FSTL1: variants seen among roughly 807,000 people sequenced by gnomAD.
The protein encoded by FSTL1 is follistatin-related protein 1.
A neutral mutation model predicts 45.9 loss-of-function variants in FSTL1; 24 were observed. The ratio of observed to expected loss-of-function variants is 0.52; its 90% confidence interval spans 0.38 to 0.74. The LOEUF (loss-of-function observed/expected upper bound fraction) is 0.74. Among genes scored for constraint, FSTL1 ranks in the 30% least tolerant of loss-of-function variants. The pLI is 0.00. For missense variants in FSTL1, 340 were observed against 381.8 expected, an observed-to-expected ratio of 0.89 and a Z score of 0.91; for synonymous variants, 120 against 137.6, an observed-to-expected ratio of 0.87 and a Z score of 0.89.
At chr3:120,439,220 G>A (rs1937603067) in intron 2 of FSTL1, among the ~76,000 whole-genome samples, 1 of 152,166 alleles carries the variant, frequency 6.6e-6, no homozygotes, top group Non-Finnish European at 1.5e-5. Context: ...CAGGCTGGGG[G>A]TTTACTCTAA....
At chr3:120,402,204 T>C (rs1473829212) in intron 9 of FSTL1, among the ~76,000 whole-genome samples, 1 of 152,172 alleles carries the variant, frequency 6.6e-6, no homozygotes, top group Non-Finnish European at 1.5e-5. Context: ...AGATTACCCA[T>C]CTCTGTTAGT....
intron 2 of FSTL1, among the ~76,000 whole-genome samples, chr3:120,446,697 G>C (rs1009981571): frequency 8.5e-5 from 13 of 152,188 alleles, no homozygotes; most frequent in Admixed American, 5.2e-4. Context: ...TCTACCATCA[G>C]AACAATTCTA....
intron 6 of FSTL1, among the ~76,000 whole-genome samples, chr3:120,407,616 A>T (rs1015280266): frequency 2.0e-5 from 3 of 152,350 alleles, no homozygotes; most frequent in Admixed American, 6.5e-5. Flanking sequence ...GGTTCATAAC[A>T]GTCTCTTTGA....
chr3:120,450,952 T>C lies in FSTL1; in HGVS notation c.-56A>G, dbSNP rs1937887094. On this transcript the variant is annotated 5_prime_UTR_variant, in exon 1 of 11. Transcript: ENST00000295633. ...GGGGCAGGACGGCGGCAGCGAGCTG[T>C]AAGCGGAGGTGGGAGCTCCGCCGAT... The C allele has an allele frequency of 8.5e-6, 4 of 470,296 alleles. No individual in the cohort carries two copies. Among genetic ancestry groups the C allele is most frequent in the Non-Finnish European group, 1.5e-5 (4 of 266,808 alleles). 29.1% of individuals were successfully genotyped at this position (470,296 alleles called of 1,614,324 possible).
At chr3:120,446,847 T>G (rs928425339) in intron 2 of FSTL1, among the ~76,000 whole-genome samples, 2 of 152,164 alleles carry the variant, frequency 1.3e-5, no homozygotes, top group Non-Finnish European at 2.9e-5. Flanking sequence ...GTGAAGTACA[T>G]CTATTTGTAG....
At chr3:120,441,810 A>G (rs1284001078) in intron 2 of FSTL1, among the ~76,000 whole-genome samples, 3 of 152,250 alleles carry the variant, frequency 2.0e-5, no homozygotes, top group Non-Finnish European at 4.4e-5. Flanking sequence ...AATTCTCACA[A>G]CCAACCTATG....
chr3:120,411,957 C>T lies in FSTL1; in HGVS notation c.195G>A (p.Val65=), dbSNP rs1385917468. 6.2e-7 allele frequency: 1 copy of T among 1,612,906 alleles called. No homozygotes were observed. The highest frequency in any genetic ancestry group is 1.1e-5 in the South Asian group (1 of 91,012). The part of the protein sequence containing the change: ...IEQCKPHKRP[V]CGSNGKTYLN... Reference sequence around the variant, plus strand: ...GGTAGGTCTTGCCATTACTGCCACACACAGGCCTCTTGTGAGGTTTGCATT... The same window carrying T: ...GGTAGGTCTTGCCATTACTGCCACATACAGGCCTCTTGTGAGGTTTGCATT... Residue 65 remains valine, a synonymous_variant, in exon 4 of 11, where the codon GTG becomes GTA. Transcript: ENST00000295633.
intron 6 of FSTL1, among the ~76,000 whole-genome samples, chr3:120,407,089 T>C (rs926559748): frequency 2.0e-5 from 3 of 152,240 alleles, no homozygotes; most frequent in Non-Finnish European, 4.4e-5. Flanking sequence ...ACTTATGGCA[T>C]CATGTTGGTG....
intron 2 of FSTL1, among the ~76,000 whole-genome samples, chr3:120,422,741 C>T (rs913664087): frequency 5.9e-4 from 90 of 151,708 alleles, no homozygotes; most frequent in African/African-American, 2.0e-3. Context: ...GGTGCCAAGG[C>T]TGGAGTGCAG....
At chr3:120,443,889 G>A (rs1490507015) in intron 2 of FSTL1, among the ~76,000 whole-genome samples, 13 of 149,884 alleles carry the variant, frequency 8.7e-5, no homozygotes, top group Admixed American at 8.5e-4. Context: ...GAATTATTTT[G>A]TACTCCAACT....
At chr3:120,431,459 T>C (rs1937477039) in intron 2 of FSTL1, among the ~76,000 whole-genome samples, 1 of 152,222 alleles carries the variant, frequency 6.6e-6, no homozygotes, top group Admixed American at 6.5e-5. Context: ...ACATCTAAAT[T>C]GGACTAGCCA....
rs554890949 is a variant in FSTL1 at position 120,409,520 on chromosome 3, C to T, written c.462+12G>A. 135 of 1,613,086 alleles carry T rather than the reference C, an allele frequency of 8.4e-5. 1 individual carries two copies. The South Asian group carries it at 1.4e-3, about 17-fold the overall frequency. On this transcript the variant is annotated intron_variant, in intron 6 of 10. Transcript: ENST00000295633. ...ATGGGCCTGAATAGTCTTCCTCCTA[C>T]CTCTGGATTACCTTAAAATACTTGT...
intron 7 of FSTL1, 84 bp downstream of exon 7, chr3:120,404,769 T>G: frequency 1.3e-6 from 1 of 773,950 alleles, no homozygotes; most frequent in Non-Finnish European, 2.3e-6. Flanking sequence ...TGGTGGCTCT[T>G]TTGCAGGTGG....
At chr3:120,398,927 T>C (rs1195984927) in intron 10 of FSTL1, among the ~76,000 whole-genome samples, 2 of 152,344 alleles carry the variant, frequency 1.3e-5, no homozygotes, top group African/African-American at 4.8e-5. Flanking sequence ...TAGAAGCTTT[T>C]GCTTCTGCTT....
At chr3:120,436,206 G>A (rs1270278321) in intron 2 of FSTL1, among the ~76,000 whole-genome samples, 13 of 152,306 alleles carry the variant, frequency 8.5e-5, no homozygotes, top group African/African-American at 3.1e-4. Flanking sequence ...GTAAGAGGAA[G>A]CGGTTAACTT....
At position 120,394,320 on chromosome 3, in the gene FSTL1, AG is replaced by A. The variant is rs1936653002; in HGVS notation, c.*2631del. 1.3e-5 allele frequency: 2 copies of A among 152,248 alleles called. No individual in the cohort carries two copies. The highest frequency in any genetic ancestry group is 1.3e-4 in the Admixed American group (2 of 15,284). The allele number at this position is 152,248 out of a possible 1,614,324, so 9.4% of individuals were successfully genotyped here. A position where few individuals can be genotyped will look rare whatever the true frequency, so the allele number is the denominator to read the frequency against. Reference sequence around the variant, plus strand: ...ATTCATCAATAGTATCCGAAAAGGAAGAATCAGGAGTTACAAAAACAAGTTA... The same window carrying A: ...ATTCATCAATAGTATCCGAAAAGGAAAATCAGGAGTTACAAAAACAAGTTA... On this transcript the variant is annotated 3_prime_UTR_variant, in exon 11 of 11. Transcript: ENST00000295633.
At chr3:120,418,886 C>T (rs1320634801) in intron 2 of FSTL1, among the ~76,000 whole-genome samples, 1 of 152,212 alleles carries the variant, frequency 6.6e-6, no homozygotes, top group Non-Finnish European at 1.5e-5. Context: ...ACAACTTTCC[C>T]ACTGAGATGC....
chr3:120,411,866 C>T lies in FSTL1; in HGVS notation c.286G>A (p.Gly96Arg), dbSNP rs200742219. 1 of 1,614,026 alleles carries T rather than the reference C, an allele frequency of 6.2e-7. No homozygotes were observed. Among genetic ancestry groups the T allele is most frequent in the Admixed American group, 1.7e-5 (1 of 60,028 alleles). ...TGSKIQVDYD[G>R]HCKEKKSVSP... ...GAGCACACCTTACCTTTGCAGTGTC[C>T]ATCGTAATCAACCTGGATTTTGGAT... Residue 96 changes from glycine (G) to arginine (R), a missense_variant, in exon 4 of 11, where the codon GGA becomes AGA. Coordinates refer to ENST00000295633, the MANE Select transcript of FSTL1 (RefSeq NM_007085.5).
In FSTL1 at chr3:120,450,667, C is replaced by T. The variant is rs1937873844; in HGVS notation, c.63+17G>A. The stretch of plus-strand genomic sequence containing the variant: ...GGCCCCGGGGACCGAGTTCGGACTC[C>T]TCGGCCCCTCGCCTACCTCGGCGCG... On this transcript the variant is annotated intron_variant, in intron 2 of 10. Coordinates refer to ENST00000295633, the MANE Select transcript of FSTL1 (RefSeq NM_007085.5). 6.4e-7 allele frequency: 1 copy of T among 1,550,534 alleles called. No homozygotes were observed. The highest frequency in any genetic ancestry group is 1.8e-5 in the Admixed American group (1 of 54,410).
Sources: allele counts gnomAD v4.1 joint callset (sites outside exome capture counted in the v4.1 genomes callset), GRCh38; gene constraint gnomAD v4.1.1; transcripts MANE v1.5; gene names NCBI Gene and HGNC (gene_info 2026-07-23, HGNC 2026-07-21).